The following STK17A variants were observed in gnomAD, a reference collection of about 807,000 sequenced individuals.
STK17A encodes the protein serine/threonine kinase 17a, also known as serine/threonine-protein kinase 17A.
In STK17A, 26 loss-of-function variants were observed where a neutral mutation model predicts 43.7. The ratio of observed to expected loss-of-function variants is 0.60; its 90% CI spans 0.44 to 0.83. STK17A has a LOEUF of 0.83. STK17A is among the 40% of genes least tolerant of loss of function. The probability of loss-of-function intolerance (pLI) is 0.00; values close to 1 mark genes in which losing one functional copy is unlikely to be tolerated. For missense variants in STK17A, 476 were observed against 511.6 expected, an observed-to-expected ratio of 0.93 and a Z score of 0.67; for synonymous variants, 191 against 182.5, an observed-to-expected ratio of 1.05 and a Z score of -0.38.
chr7:43,614,752 G>A (rs923618189), intron 3 of STK17A, among the ~76,000 whole-genome samples: 1 of 152,026 alleles, frequency 6.6e-6, no homozygotes, highest in African/African-American at 2.4e-5. Context: ...CTCTCACATT[G>A]GTGTATCATA....
In STK17A at chr7:43,595,972, G is replaced by C; in HGVS notation, c.278G>C (p.Arg93Thr). ...SGKEFAAKFM[R>T]KRRKGQDCRM... The stretch of plus-strand genomic sequence containing the variant: ...AAAGAATTTGCTGCAAAGTTCATGA[G>C]AAAAAGAAGAAAAGGCCAAGATTGT... The change falls in exon 2 of 7, where the codon AGA (arginine) becomes ACA (threonine). Residue 93 changes from arginine to threonine, a missense_variant. Coordinates refer to ENST00000319357, the MANE Select transcript of STK17A (RefSeq NM_004760.3). The C allele has an allele frequency of 2.5e-6, 4 of 1,613,868 alleles. No individual in the cohort carries two copies. The highest frequency in any genetic ancestry group is 2.2e-5 in the East Asian group (1 of 44,822).
Position 43,595,862 on chromosome 7 carries a change from T to C in STK17A, c.207-39T>C, listed in dbSNP as rs898235254. On this transcript the variant is annotated intron_variant, in intron 1 of 6. Coordinates refer to ENST00000319357, the MANE Select transcript of STK17A (RefSeq NM_004760.3). ...ATTGAAATCTGCCATCTCTGGAAAG[T>C]TGTCAACTTTAACAGTGAATGTTTT... 3.8e-6 allele frequency: 6 copies of C among 1,586,590 alleles called. No individual in the cohort carries two copies. The East Asian group carries it at 9.0e-5, about 24-fold the overall frequency.
chr7:43,591,420 A>T (rs1346302820), intron 1 of STK17A, among the ~76,000 whole-genome samples: 1 of 151,522 alleles, frequency 6.6e-6, no homozygotes, highest in East Asian at 1.9e-4. Context: ...GCAACAGTGG[A>T]CTTGAGTCAT....
chr7:43,616,239 C>T (rs1407745286), intron 3 of STK17A, among the ~76,000 whole-genome samples: 1 of 152,186 alleles, frequency 6.6e-6, no homozygotes, highest in African/African-American at 2.4e-5. Context: ...ATATTGCTTT[C>T]ATGGTGCAAT....
chr7:43,622,588 ATTT>A (rs1227683211), intron 4 of STK17A: 1 of 151,636 alleles, frequency 6.6e-6, no homozygotes, highest in Non-Finnish European at 1.5e-5. Context: ...TTGTGAGTAG[ATTT>A]TTTTAAGGAG....
chr7:43,583,208 G>C lies in STK17A; in HGVS notation c.-36G>C, dbSNP rs375416111. ...CCGTGACCCTCCGGCTGCTCGGAGT[G>C]AACAGGCGGCCAGGAAAGAAGCGGG... On this transcript the variant is annotated 5_prime_UTR_variant, in exon 1 of 7. Coordinates refer to ENST00000319357, the MANE Select transcript of STK17A (RefSeq NM_004760.3). The C allele has an allele frequency of 1.9e-6, 3 of 1,551,986 alleles. No homozygotes were observed. Among genetic ancestry groups the C allele is most frequent in the Admixed American group, 3.8e-5 (2 of 53,332 alleles).
intron 2 of STK17A, among the ~76,000 whole-genome samples, chr7:43,601,021 TA>T (rs1474794024): frequency 6.6e-6 from 1 of 152,210 alleles, no homozygotes; most frequent in East Asian, 1.9e-4. Context: ...AAAGGTTGGT[TA>T]AATAAGTGAT....
rs928214655 is a variant in STK17A at position 43,588,155 on chromosome 7, AT to A, written c.206+4714del. Among the ~76,000 whole-genome samples, 54 of 151,432 alleles carry A rather than the reference AT, an allele frequency of 3.6e-4. 1 individual carries two copies. Among genetic ancestry groups the A allele is most frequent in the Middle Eastern group, 3.4e-3 (1 of 294 alleles). Reference sequence around the variant, plus strand: ...TCACCTCCAGAACTCCTGTTCTGATATTTTTTTTAAATTATTATCATTGGTT... The same window carrying A: ...TCACCTCCAGAACTCCTGTTCTGATATTTTTTTAAATTATTATCATTGGTT... On this transcript the variant is annotated intron_variant, in intron 1 of 6. Coordinates refer to ENST00000319357, the MANE Select transcript of STK17A (RefSeq NM_004760.3).
At chr7:43,588,282 G>A (rs1238391709) in intron 1 of STK17A, among the ~76,000 whole-genome samples, 1 of 151,374 alleles carries the variant, frequency 6.6e-6, no homozygotes, top group East Asian at 1.9e-4. Flanking sequence ...ATTTTGTATA[G>A]TCTTCACTGC....
At chr7:43,610,249 A>G (rs1440634180) in intron 3 of STK17A, among the ~76,000 whole-genome samples, 1 of 145,036 alleles carries the variant, frequency 6.9e-6, no homozygotes, top group Non-Finnish European at 1.5e-5. Flanking sequence ...TGGGAGGCTG[A>G]GGCAGGAGAA....
chr7:43,584,058 T>A (rs2082422349), intron 1 of STK17A, among the ~76,000 whole-genome samples: 1 of 152,152 alleles, frequency 6.6e-6, no homozygotes, highest in African/African-American at 2.4e-5. Context: ...CTTGGCCCTT[T>A]TCTCGCTTTT....
chr7:43,603,926 A>G (rs1193325294), intron 2 of STK17A, among the ~76,000 whole-genome samples: 1 of 152,222 alleles, frequency 6.6e-6, no homozygotes, highest in Non-Finnish European at 1.5e-5. Flanking sequence ...CCCCCAATAT[A>G]GCTCATTATG....
At chr7:43,618,521 T>C (rs1024076619) in intron 3 of STK17A, among the ~76,000 whole-genome samples, 3 of 152,152 alleles carry the variant, frequency 2.0e-5, no homozygotes, top group Non-Finnish European at 2.9e-5. Flanking sequence ...AGTGAAGTAT[T>C]TGTAATTTAC....
At position 43,616,077 on chromosome 7, in the gene STK17A, CCCAGGG is replaced by C. The variant is rs1228999933; in HGVS notation, c.565-3517_565-3512del. On this transcript the variant is annotated intron_variant, in intron 3 of 6. Coordinates refer to ENST00000319357, the MANE Select transcript of STK17A (RefSeq NM_004760.3). Reference sequence around the variant, plus strand: ...CTGGTGTCTTGTTTTCTGTTATTTCCCCAGGGCCTAGCTCATTAGGCAATCAATAAA... The same window carrying C: ...CTGGTGTCTTGTTTTCTGTTATTTCCCCTAGCTCATTAGGCAATCAATAAA... Among the ~76,000 whole-genome samples the C allele has an allele frequency of 7.2e-5, 11 of 152,246 alleles. No individual in the cohort carries two copies. In the South Asian group the frequency reaches 1.0e-3, roughly 14 times the overall value.
At chr7:43,601,686 A>G (rs2082556653) in intron 2 of STK17A, among the ~76,000 whole-genome samples, 1 of 151,906 alleles carries the variant, frequency 6.6e-6, no homozygotes, top group African/African-American at 2.4e-5. Context: ...CCAGCACCTC[A>G]CATTATTTCC....
chr7:43,600,780 A>G (rs560343468), intron 2 of STK17A, among the ~76,000 whole-genome samples: 3 of 152,296 alleles, frequency 2.0e-5, no homozygotes, highest in East Asian at 3.9e-4. Context: ...GGGTCTCACT[A>G]TGTTGACCAG....
intron 1 of STK17A, among the ~76,000 whole-genome samples, chr7:43,592,307 A>G (rs889028455): frequency 1.3e-5 from 2 of 151,574 alleles, no homozygotes; most frequent in Non-Finnish European, 3.0e-5. Flanking sequence ...CCATATCTGT[A>G]GAAGTCTTTC....
intron 3 of STK17A, among the ~76,000 whole-genome samples, chr7:43,611,620 G>A (rs1487836797): frequency 1.3e-5 from 2 of 152,240 alleles, no homozygotes; most frequent in Admixed American, 6.5e-5. Context: ...CTTCCCTCGG[G>A]AACATTTACA....
rs1245894442 is a variant in STK17A at position 43,624,507 on chromosome 7, T to C, written c.921-11T>C. The stretch of plus-strand genomic sequence containing the variant: ...TAACATGTCTTAACTGTAAAACATG[T>C]ATCTTTACAGAGATCGAGCCACTGC... On this transcript the variant is annotated splice_polypyrimidine_tract_variant and intron_variant, in intron 6 of 6. Coordinates refer to ENST00000319357, the MANE Select transcript of STK17A (RefSeq NM_004760.3). 6.3e-7 allele frequency: 1 copy of C among 1,594,120 alleles called. No individual in the cohort carries two copies. The highest frequency in any genetic ancestry group is 1.4e-5 in the African/African-American group (1 of 73,918).
Sources: allele counts gnomAD v4.1 joint callset (sites outside exome capture counted in the v4.1 genomes callset), GRCh38; gene constraint gnomAD v4.1.1; transcripts MANE v1.5; gene names NCBI Gene and HGNC (gene_info 2026-07-23, HGNC 2026-07-21).